The following TBCD variants were observed in gnomAD, a reference collection of about 807,000 sequenced individuals.
TBCD encodes tubulin folding cofactor D.
A neutral mutation model predicts 169.3 loss-of-function variants in TBCD; 105 were observed. The ratio of observed to expected loss-of-function variants is 0.62; its 90% confidence interval spans 0.53 to 0.73. The LOEUF (loss-of-function observed/expected upper bound fraction) is 0.73, where lower values mean the gene tolerates loss of function less well. Among genes scored for constraint, TBCD ranks in the 30% least tolerant of loss-of-function variants. TBCD has a pLI of 0.00. For synonymous variants in TBCD, 700 were observed against 643.9 expected, an observed-to-expected ratio of 1.09 and a Z score of -1.32; for missense variants, 1,444 against 1,600.1, an observed-to-expected ratio of 0.90 and a Z score of 1.66.
intron 14 of TBCD, among the ~76,000 whole-genome samples, chr17:82,879,792 T>A (rs2058230445): frequency 6.6e-6 from 1 of 152,230 alleles, no homozygotes; most frequent in Admixed American, 6.5e-5. Flanking sequence ...TTACCATTTC[T>A]GGAGTGTCTT....
intron 13 of TBCD, among the ~76,000 whole-genome samples, chr17:82,834,611 C>A (rs1028233640): frequency 6.6e-6 from 1 of 151,804 alleles, no homozygotes. Flanking sequence ...AGCAAACTAA[C>A]GCAGGAAGAG....
intron 13 of TBCD, among the ~76,000 whole-genome samples, chr17:82,851,509 T>C (rs2055785811): frequency 6.6e-6 from 1 of 152,216 alleles, no homozygotes; most frequent in Non-Finnish European, 1.5e-5. Flanking sequence ...GTGGACTGCA[T>C]GTGGCCCACA....
Position 82,789,313 on chromosome 17 carries a change from C to T in TBCD, c.771+7592C>T, listed in dbSNP as rs367952393. Among the ~76,000 whole-genome samples the T allele has an allele frequency of 7.9e-4, 121 of 152,318 alleles. No individual in the cohort carries two copies. The highest frequency in any genetic ancestry group is 6.8e-3 in the Middle Eastern group (2 of 294). Reference sequence around the variant, plus strand: ...TCTTACAGAAACCTGCATGGTGAGCCGCACGCCTTTGAGTCCCCATCAGCC... The same window carrying T: ...TCTTACAGAAACCTGCATGGTGAGCTGCACGCCTTTGAGTCCCCATCAGCC... On this transcript the variant is annotated intron_variant, in intron 7 of 38. Coordinates refer to ENST00000355528, the MANE Select transcript of TBCD (RefSeq NM_005993.5). The surrounding 1 kb of genome is among the most constrained non-coding windows in gnomAD (Gnocchi z 4.8).
intron 8 of TBCD, among the ~76,000 whole-genome samples, chr17:82,799,781 ACCTC>A (rs1269824560): frequency 1.3e-5 from 2 of 151,798 alleles, no homozygotes; most frequent in African/African-American, 2.4e-5. Context: ...GTGAACACAG[ACCTC>A]CCTCTTGGGC....
chr17:82,805,554 GTGCTTCCCCAGGGA>G (rs2050900370), intron 9 of TBCD, among the ~76,000 whole-genome samples: 2 of 152,174 alleles, frequency 1.3e-5, no homozygotes, highest in South Asian at 4.1e-4. Context: ...CGAAGGCCGG[GTGCTTCCCCAGGGA>G]AGGCGCTGGT....
In TBCD at chr17:82,833,932, G is replaced by C. The variant is rs984690321; in HGVS notation, c.1318+18998G>C. On this transcript the variant is annotated intron_variant, in intron 13 of 38. Transcript: ENST00000355528. The surrounding 1 kb of genome is among the most constrained non-coding windows in gnomAD (Gnocchi z 4.7). ...TCAGAGGCTGTGCCGCACGCCCAAG[G>C]CTGAGAACAAAGGCTGTTTTTCTTT... is the stretch of plus-strand genomic sequence containing the variant. Among the ~76,000 whole-genome samples, 1 of 151,584 alleles carries C rather than the reference G, an allele frequency of 6.6e-6. No individual in the cohort carries two copies. The highest frequency in any genetic ancestry group is 1.5e-5 in the Non-Finnish European group (1 of 67,916).
intron 17 of TBCD, among the ~76,000 whole-genome samples, chr17:82,899,590 T>TAAAG (rs1465193954): frequency 1.3e-5 from 2 of 152,276 alleles, no homozygotes; most frequent in African/African-American, 4.8e-5. Context: ...CTCTGATGAA[T>TAAAG]AAAGCAGTTG....
chr17:82,912,240 G>A (rs1315876863), intron 23 of TBCD, among the ~76,000 whole-genome samples: 1 of 152,220 alleles, frequency 6.6e-6, no homozygotes, highest in Non-Finnish European at 1.5e-5. Flanking sequence ...GCGGGGGCAA[G>A]AGGAAAGCTG....
In TBCD at chr17:82,920,736, A is replaced by G; in HGVS notation, c.2101+118A>G. On this transcript the variant is annotated intron_variant, in intron 24 of 38. Coordinates refer to ENST00000355528, the MANE Select transcript of TBCD (RefSeq NM_005993.5). This position sits in a 1 kb window ranked among gnomAD's most constrained non-coding sequence, Gnocchi z 4.1. Reference sequence around the variant, plus strand: ...CGATTATAGCTTAAAGGTTCAAGATATTAATCGGATACGTTGCCTTGAAGT... The same window carrying G: ...CGATTATAGCTTAAAGGTTCAAGATGTTAATCGGATACGTTGCCTTGAAGT... 1.1e-6 allele frequency: 1 copy of G among 935,958 alleles called. No homozygotes were observed. The highest frequency in any genetic ancestry group is 1.7e-5 in the African/African-American group (1 of 59,484). 58.0% of individuals were successfully genotyped at this position (935,958 alleles called of 1,614,324 possible). A position where few individuals can be genotyped will look rare whatever the true frequency, so the allele number is the denominator to read the frequency against.
chr17:82,831,324 G>C lies in TBCD; in HGVS notation c.1318+16390G>C, dbSNP rs371946502. 4.2e-5 allele frequency: 67 copies of C among 1,613,808 alleles called. No individual in the cohort carries two copies. The highest frequency in any genetic ancestry group is 3.5e-5 in the Non-Finnish European group (41 of 1,180,020). ...CTTTAGCCTCAGGAATTGGACTTTC[G>C]AACTCGACGTGTTTTCTGTTGGGGT... On this transcript the variant is annotated intron_variant, in intron 13 of 38. Transcript: ENST00000355528. The surrounding 1 kb of genome is among the most constrained non-coding windows in gnomAD (Gnocchi z 4.6).
intron 14 of TBCD, among the ~76,000 whole-genome samples, chr17:82,882,994 G>A (rs1206161753): frequency 2.0e-5 from 3 of 152,358 alleles, no homozygotes; most frequent in Admixed American, 6.5e-5. Flanking sequence ...GGGCTGGAGC[G>A]GAGCTTGCTC....
At chr17:82,849,164 T>C (rs1487075738) in intron 13 of TBCD, among the ~76,000 whole-genome samples, 2 of 98,096 alleles carry the variant, frequency 2.0e-5, no homozygotes, top group Non-Finnish European at 4.0e-5. Context: ...TCCATCTCGA[T>C]GTCCCCCTCT....
At position 82,806,085 on chromosome 17, in the gene TBCD, C is replaced by A. The variant is rs149971039; in HGVS notation, c.1087+74C>A. 349 of 1,558,672 alleles carry A rather than the reference C, an allele frequency of 2.2e-4. 1 individual carries two copies. In the African/African-American group the frequency reaches 2.6e-3, roughly 12 times the overall value. ...AATTCCCCTCTACTCCAGGACCACA[C>A]TTCCTTCTTCCTTGCTGGTGCCGGC... On this transcript the variant is annotated intron_variant, in intron 10 of 38. Transcript: ENST00000355528. The surrounding 1 kb of genome is among the most constrained non-coding windows in gnomAD (Gnocchi z 5.1).
chr17:82,830,827 A>C, intron 13 of TBCD: 1 of 1,613,232 alleles, frequency 6.2e-7, no homozygotes, highest in South Asian at 1.1e-5. Flanking sequence ...CTCCGAGACG[A>C]GAGAGGCGCT....
intron 12 of TBCD, among the ~76,000 whole-genome samples, chr17:82,813,787 G>A (rs1331687364): frequency 1.3e-5 from 2 of 152,198 alleles, no homozygotes; most frequent in African/African-American, 4.8e-5. Context: ...GTACACGTCT[G>A]GAACTTGTTT....
Position 82,923,384 on chromosome 17 carries a change from GT to G in TBCD, c.2179-267del, listed in dbSNP as rs1568052330. Among the ~76,000 whole-genome samples, 1 of 152,210 alleles carries G rather than the reference GT, an allele frequency of 6.6e-6. No individual in the cohort carries two copies. Among genetic ancestry groups the G allele is most frequent in the African/African-American group, 2.4e-5 (1 of 41,464 alleles). The stretch of plus-strand genomic sequence containing the variant: ...TTGGTTTGGTTCGAAAGTCATTGCT[GT>G]GCCGAGATCTCAGGGTGACCCGCTG... On this transcript the variant is annotated intron_variant, in intron 25 of 38. Transcript: ENST00000355528. This position sits in a 1 kb window ranked among gnomAD's most constrained non-coding sequence, Gnocchi z 4.6.
intron 13 of TBCD, chr17:82,830,820 C>T (rs764804868): frequency 7.4e-6 from 12 of 1,613,218 alleles, no homozygotes; most frequent in Non-Finnish European, 9.3e-6. Flanking sequence ...GCGCGGCCTC[C>T]GAGACGAGAG....
rs369832277 is a variant in TBCD at position 82,781,572 on chromosome 17, C to T, written c.639-17C>T. On this transcript the variant is annotated splice_polypyrimidine_tract_variant and intron_variant, in intron 6 of 38. Transcript: ENST00000355528. ...TCTCAGTGCTGAGGCCTTGGTTGAG[C>T]TGTATCCTTTTGGCAGATTTATCAC... 2 of 1,613,100 alleles carry T rather than the reference C, an allele frequency of 1.2e-6. No individual in the cohort carries two copies. Among genetic ancestry groups the T allele is most frequent in the Admixed American group, 1.7e-5 (1 of 59,956 alleles).
At chr17:82,892,373 C>T (rs2059202893) in intron 16 of TBCD, among the ~76,000 whole-genome samples, 1 of 152,148 alleles carries the variant, frequency 6.6e-6, no homozygotes. Flanking sequence ...AGGTTTCTCC[C>T]CTGTTCACGG....
Sources: allele counts gnomAD v4.1 joint callset (sites outside exome capture counted in the v4.1 genomes callset), GRCh38; gene constraint gnomAD v4.1.1; non-coding constraint Gnocchi (gnomAD v3.1); transcripts MANE v1.5; gene names NCBI Gene and HGNC (gene_info 2026-07-23, HGNC 2026-07-21).